SLC33A1: variants seen among roughly 807,000 people sequenced by gnomAD.
SLC33A1 encodes the protein solute carrier family 33 member 1, also known as acetyl-coenzyme A transporter 1.
Under a neutral mutation model 50.0 loss-of-function variants are expected in SLC33A1, and 20 were observed. The observed-to-expected ratio is 0.40, with a 90% CI of 0.28 to 0.58. SLC33A1 has a LOEUF of 0.58. Ranked by LOEUF, SLC33A1 falls within the 20% of genes least tolerant of loss-of-function variation. The pLI is 0.44. For synonymous variants in SLC33A1, 265 were observed against 251.8 expected, an observed-to-expected ratio of 1.05 and a Z score of -0.50; for missense variants, 476 against 657.0, an observed-to-expected ratio of 0.72 and a Z score of 3.01.
At chr3:155,828,448 T>C (rs773653012) in intron 5 of SLC33A1, 71 bp from the exon 6 acceptor site, 1 of 844,298 alleles carries the variant, frequency 1.2e-6, no homozygotes, top group Non-Finnish European at 2.0e-6. Flanking sequence ...AACATGCTTC[T>C]ACTTTATAAA....
chr3:155,847,152 G>A (rs1753206161), intron 1 of SLC33A1, among the ~76,000 whole-genome samples: 1 of 152,240 alleles, frequency 6.6e-6, no homozygotes, highest in South Asian at 2.1e-4. Flanking sequence ...AGGTTGCAGC[G>A]AGCCGAGATT....
Position 155,833,907 on chromosome 3 carries a change from G to A in SLC33A1, c.1098C>T (p.Tyr366=), listed in dbSNP as rs1308995894. 1 of 1,613,714 alleles carries A rather than the reference G, an allele frequency of 6.2e-7. No homozygotes were observed. Among genetic ancestry groups the A allele is most frequent in the Non-Finnish European group, 8.5e-7 (1 of 1,179,878 alleles). ...QIILPLIISK[Y]TAGPQPLNTF... ...TGTTTAATGGCTGGGGACCTGCAGTGTATTTGCTGATAATCAGAGGCAGTA... is the reference window on the plus strand; with the variant it reads ...TGTTTAATGGCTGGGGACCTGCAGTATATTTGCTGATAATCAGAGGCAGTA... Residue 366 remains tyrosine (Y), a synonymous_variant, in exon 3 of 6, where the codon TAC becomes TAT. Coordinates refer to ENST00000643144, the MANE Select transcript of SLC33A1 (RefSeq NM_004733.4).
chr3:155,847,388 T>C (rs780698455), intron 1 of SLC33A1, among the ~76,000 whole-genome samples: 3 of 152,142 alleles, frequency 2.0e-5, no homozygotes, highest in Non-Finnish European at 2.9e-5. Flanking sequence ...AATTATGTGT[T>C]CTGAAAGCAG....
intron 1 of SLC33A1, among the ~76,000 whole-genome samples, chr3:155,848,404 C>T (rs1425349092): frequency 1.3e-5 from 2 of 152,080 alleles, no homozygotes; most frequent in Non-Finnish European, 2.9e-5. Context: ...GCAATCTTGC[C>T]GGGCATGGTG....
In SLC33A1 at chr3:155,835,011, T is replaced by C. The variant is rs111748348; in HGVS notation, c.964-970A>G. ...AGAAAAAAATTAAAGTTATAAGGAC[T>C]GTTATTGTGTAAAATTTGGATATGG... On this transcript the variant is annotated intron_variant, in intron 2 of 5. Coordinates refer to ENST00000643144, the MANE Select transcript of SLC33A1 (RefSeq NM_004733.4). Among the ~76,000 whole-genome samples the C allele has an allele frequency of 2.2e-3, 333 of 152,350 alleles. 1 individual carries two copies. The highest frequency in any genetic ancestry group is 3.7e-3 in the Non-Finnish European group (252 of 68,018).
Position 155,824,183 on chromosome 3 carries a change from A to C in SLC33A1, c.*4027T>G, listed in dbSNP as rs1291759405. 6.6e-6 allele frequency: 1 copy of C among 152,222 alleles called. No homozygotes were observed. The highest frequency in any genetic ancestry group is 2.4e-5 in the African/African-American group (1 of 41,466). 9.4% of individuals were successfully genotyped at this position (152,222 alleles called of 1,614,324 possible). The stretch of plus-strand genomic sequence containing the variant: ...AATGCTAGTTATCAGATTATTTTAA[A>C]AGTTTATTTTCTTTCTCTAATAATA... On this transcript the variant is annotated 3_prime_UTR_variant, in exon 6 of 6. Transcript: ENST00000643144.
Position 155,853,835 on chromosome 3 carries a change from C to A in SLC33A1, c.163G>T (p.Asp55Tyr), listed in dbSNP as rs1440060089. The A allele has an allele frequency of 6.2e-7, 1 of 1,605,436 alleles. No homozygotes were observed. The highest frequency in any genetic ancestry group is 1.3e-5 in the African/African-American group (1 of 74,600). Residue 55 changes from aspartate to tyrosine, a missense_variant, in exon 1 of 6, where the codon GAT becomes TAT. Physicochemically the swap from Asp to Tyr is radical, Grantham distance 160. Coordinates refer to ENST00000643144, the MANE Select transcript of SLC33A1 (RefSeq NM_004733.4). ...TTTAAGAAGTCGCCAGTGCCGGTAT[C>A]CCCCAGAAGAGCTTCTCTGTCCCCT... ...REGDREALLGDTGTGDFLKAP... is the reference protein window; with the variant it reads ...REGDREALLGYTGTGDFLKAP...
At chr3:155,828,800 G>A (rs1332403704) in intron 5 of SLC33A1, among the ~76,000 whole-genome samples, 1 of 151,772 alleles carries the variant, frequency 6.6e-6, no homozygotes, top group African/African-American at 2.4e-5. Flanking sequence ...ATGTGGCCCA[G>A]GGTGGTCTTG....
intron 2 of SLC33A1, among the ~76,000 whole-genome samples, chr3:155,841,228 G>C (rs1404552576): frequency 6.6e-6 from 1 of 151,918 alleles, no homozygotes; most frequent in African/African-American, 2.4e-5. Flanking sequence ...ACCATACCCA[G>C]ATAGTTTTTT....
intron 2 of SLC33A1, among the ~76,000 whole-genome samples, chr3:155,841,459 A>G (rs901566563): frequency 6.6e-6 from 1 of 152,198 alleles, no homozygotes; most frequent in Non-Finnish European, 1.5e-5. Context: ...GTTTATATAC[A>G]TAGATTTAAG....
chr3:155,832,354 G>C (rs1752474616), intron 4 of SLC33A1, among the ~76,000 whole-genome samples: 1 of 151,752 alleles, frequency 6.6e-6, no homozygotes, highest in Admixed American at 6.6e-5. Context: ...CTCCAGCCTG[G>C]GCAACAAGAA....
At chr3:155,838,170 G>A (rs1372097502) in intron 2 of SLC33A1, among the ~76,000 whole-genome samples, 2 of 151,992 alleles carry the variant, frequency 1.3e-5, no homozygotes, top group African/African-American at 4.8e-5. Context: ...GGGCATGGTG[G>A]TGCACGCCTG....
In SLC33A1 at chr3:155,821,274, C is replaced by T. The variant is rs1752080531; in HGVS notation, c.*6936G>A. 2.0e-5 allele frequency: 3 copies of T among 152,186 alleles called. No homozygotes were observed. The allele number at this position is 152,186 out of a possible 1,614,324, so 9.4% of individuals were successfully genotyped here. A position where few individuals can be genotyped will look rare whatever the true frequency, so the allele number is the denominator to read the frequency against. On this transcript the variant is annotated 3_prime_UTR_variant, in exon 6 of 6. Coordinates refer to ENST00000643144, the MANE Select transcript of SLC33A1 (RefSeq NM_004733.4). ...AAGTGGTAACAGAAATGATTGTGTGCTGTGTATCTCTAATTCAAACTTGGA... is the reference window on the plus strand; with the variant it reads ...AAGTGGTAACAGAAATGATTGTGTGTTGTGTATCTCTAATTCAAACTTGGA...
chr3:155,833,634 A>C (rs775725069), intron 3 of SLC33A1, 49 bp from the exon 4 acceptor site: 6 of 1,155,140 alleles, frequency 5.2e-6, no homozygotes, highest in Admixed American at 1.7e-5. Flanking sequence ...CTTAAATAAC[A>C]ACAACAACAA....
chr3:155,832,333 G>A (rs551596454), intron 4 of SLC33A1, among the ~76,000 whole-genome samples: 9 of 151,886 alleles, frequency 5.9e-5, no homozygotes, highest in Middle Eastern at 3.4e-3. Context: ...ACCTGAGATC[G>A]TGCCATTGCA....
chr3:155,849,206 C>A (rs1753301039), intron 1 of SLC33A1, among the ~76,000 whole-genome samples: 1 of 152,014 alleles, frequency 6.6e-6, no homozygotes, highest in South Asian at 2.1e-4. Context: ...TGAGCCGCTG[C>A]ACCTGGCCAG....
chr3:155,851,715 G>A (rs1400965205), intron 1 of SLC33A1, among the ~76,000 whole-genome samples: 1 of 152,116 alleles, frequency 6.6e-6, no homozygotes, highest in African/African-American at 2.4e-5. Flanking sequence ...ACTGTGCCCG[G>A]CCAGCAGTGA....
chr3:155,851,943 T>C (rs746958934), intron 1 of SLC33A1, among the ~76,000 whole-genome samples: 25 of 152,196 alleles, frequency 1.6e-4, no homozygotes, highest in Non-Finnish European at 3.4e-4. Flanking sequence ...TGACACCTCC[T>C]ACCACCACCA....
Position 155,826,884 on chromosome 3 carries a change from C to T in SLC33A1, c.*1326G>A, listed in dbSNP as rs1472692402. The T allele has an allele frequency of 6.6e-6, 1 of 152,126 alleles. No homozygotes were observed. The highest frequency in any genetic ancestry group is 1.5e-5 in the Non-Finnish European group (1 of 68,016). 9.4% of individuals were successfully genotyped at this position (152,126 alleles called of 1,614,324 possible). On this transcript the variant is annotated 3_prime_UTR_variant, in exon 6 of 6. Coordinates refer to ENST00000643144, the MANE Select transcript of SLC33A1 (RefSeq NM_004733.4). ...TTTTTCCACAATGATAAAATTAAGA[C>T]TCATAATGTACTATCTTGTTTCGTC...
Sources: gnomAD v4.1 joint callset for allele counts (sites outside exome capture counted in the v4.1 genomes callset) on GRCh38, gnomAD v4.1.1 for gene constraint, MANE v1.5 for transcripts, NCBI Gene and HGNC (gene_info 2026-07-23, HGNC 2026-07-21) for gene names.